ATAD5: variants seen among roughly 807,000 people sequenced by gnomAD.
ATAD5 encodes ATPase family AAA domain containing 5, also known as ATPase family AAA domain-containing protein 5.
A neutral mutation model predicts 176.9 loss-of-function variants in ATAD5; 58 were observed. The observed-to-expected ratio is 0.33, with a 90% CI of 0.27 to 0.41. The LOEUF is 0.41. Among genes scored for constraint, ATAD5 ranks in the 10% least tolerant of loss-of-function variants. ATAD5 has a pLI of 1.00. For synonymous variants in ATAD5, 640 were observed against 712.6 expected (o/e 0.90, Z 1.62); for missense variants, 1,789 against 2,094.1 (o/e 0.85, Z 2.84).
chr17:30,877,618 T>C, intron 16 of ATAD5, 69 bp downstream of exon 16: 2 of 1,461,142 alleles, frequency 1.4e-6, no homozygotes. Flanking sequence ...TACTGTATGT[T>C]TTCTTATAAA....
intron 4 of ATAD5, 44 bp from the exon 5 acceptor site, chr17:30,843,869 A>T: frequency 9.0e-7 from 1 of 1,115,286 alleles, no homozygotes; most frequent in Non-Finnish European, 1.2e-6. Context: ...CAATGATATT[A>T]ATTATATGAT....
rs2142301433 is a variant in ATAD5, at chr17:30,835,138, A to G, written c.1057A>G (p.Asn353Asp). The G allele has an allele frequency of 1.2e-6, 2 of 1,614,148 alleles. No homozygotes were observed. Among genetic ancestry groups the G allele is most frequent in the Non-Finnish European group, 1.7e-6 (2 of 1,180,006 alleles). Reference protein sequence around the residue: ...FLKQKQFEMENSLSDPENEQT... With the variant: ...FLKQKQFEMEDSLSDPENEQT... ...GAAACAAAAGCAATTTGAAATGGAA[A>G]ATAGTTTATCTGATCCTGAGAATGA... Residue 353 changes from asparagine (N) to aspartate (D), a missense_variant, in exon 2 of 23, where the codon AAT (asparagine) becomes GAT (aspartate). Transcript: ENST00000321990.
At chr17:30,838,129 T>G (rs532972878) in intron 3 of ATAD5, among the ~76,000 whole-genome samples, 1 of 152,268 alleles carries the variant, frequency 6.6e-6, no homozygotes, top group South Asian at 2.1e-4. Context: ...TTGCTAAATA[T>G]CCCTCGGAGG....
At chr17:30,885,084 A>G (rs905273710) in intron 18 of ATAD5, among the ~76,000 whole-genome samples, 1 of 151,858 alleles carries the variant, frequency 6.6e-6, no homozygotes, top group Non-Finnish European at 1.5e-5. Context: ...GTACTGCTGT[A>G]GATTCTAGAT....
intron 21 of ATAD5, among the ~76,000 whole-genome samples, 164 bp downstream of exon 21, chr17:30,894,314 G>C (rs767743788): frequency 6.6e-6 from 1 of 152,088 alleles, no homozygotes; most frequent in Non-Finnish European, 1.5e-5. Flanking sequence ...CAGCTTGATC[G>C]CTGGGAAGAG....
intron 4 of ATAD5, among the ~76,000 whole-genome samples, chr17:30,841,512 A>G (rs910188333): frequency 6.6e-6 from 1 of 152,134 alleles, no homozygotes; most frequent in African/African-American, 2.4e-5. Flanking sequence ...CATGCATTTC[A>G]CCATTTAAAG....
chr17:30,850,865 ATATATTTTTTTTTTTTTTTTTT>A (rs1567683675), intron 6 of ATAD5, among the ~76,000 whole-genome samples: 3 of 22,152 alleles, frequency 1.4e-4, no homozygotes, highest in African/African-American at 4.8e-4. Flanking sequence ...ATATATATAT[ATATATTTTTTTTTTTTTTTTTT>A]TTTTTTTTTT....
chr17:30,859,899 T>C (rs1322010384), intron 9 of ATAD5, among the ~76,000 whole-genome samples: 1 of 146,114 alleles, frequency 6.8e-6, no homozygotes, highest in Admixed American at 7.1e-5. Context: ...AATTTTTGTA[T>C]TTTTAGTAGA....
At chr17:30,886,376 ATTTAT>A (rs910009277) in intron 18 of ATAD5, among the ~76,000 whole-genome samples, 6 of 75,398 alleles carry the variant, frequency 8.0e-5, no homozygotes, top group Non-Finnish European at 1.1e-4. Flanking sequence ...GAATTATTTT[ATTTAT>A]TTATTTATTT....
Position 30,836,006 on chromosome 17 carries a change from C to T in ATAD5, c.1925C>T (p.Ala642Val), listed in dbSNP as rs778807570. ...NLSEKHSLYTAELITVPFDSE... is the reference protein window; with the variant it reads ...NLSEKHSLYTVELITVPFDSE... ...TCGGAAAAGCACAGCTTATATACAG[C>T]AGAATTAATAACAGTACCCTTTGAT... Residue 642 changes from alanine (A) to valine (V), a missense_variant, in exon 2 of 23, where the codon GCA becomes GTA. Coordinates refer to ENST00000321990, the MANE Select transcript of ATAD5 (RefSeq NM_024857.5). 2 of 1,610,990 alleles carry T rather than the reference C, an allele frequency of 1.2e-6. No individual in the cohort carries two copies. The highest frequency in any genetic ancestry group is 2.7e-5 in the African/African-American group (2 of 74,664).
chr17:30,850,357 A>T (rs1597963820), intron 6 of ATAD5, among the ~76,000 whole-genome samples: 1 of 144,718 alleles, frequency 6.9e-6, no homozygotes, highest in African/African-American at 2.6e-5. Flanking sequence ...CTTCTATGAG[A>T]CTTCTTTTTT....
intron 20 of ATAD5, 36 bp from the exon 21 acceptor site, chr17:30,893,258 T>C (rs1389714969): frequency 1.3e-6 from 2 of 1,531,404 alleles, no homozygotes; most frequent in Non-Finnish European, 1.8e-6. Context: ...AACTATGTAC[T>C]GCTGTAACAT....
At chr17:30,866,594 C>G (rs1033408339) in intron 11 of ATAD5, among the ~76,000 whole-genome samples, 1 of 151,726 alleles carries the variant, frequency 6.6e-6, no homozygotes, top group African/African-American at 2.4e-5. Flanking sequence ...GCGGGCAGAT[C>G]ACTTGAGGCT....
chr17:30,865,940 C>G, intron 11 of ATAD5, 140 bp downstream of exon 11: 1 of 505,404 alleles, frequency 2.0e-6, no homozygotes, highest in Non-Finnish European at 3.4e-6. Context: ...GAAAAGTAGC[C>G]CTCTTTTCTT....
At chr17:30,887,786 G>A (rs1464822397) in intron 19 of ATAD5, among the ~76,000 whole-genome samples, 2 of 151,860 alleles carry the variant, frequency 1.3e-5, no homozygotes, top group African/African-American at 2.4e-5. Flanking sequence ...ACTGCACTCC[G>A]GCCCAGACAA....
chr17:30,842,681 A>G (rs1183240084), intron 4 of ATAD5, among the ~76,000 whole-genome samples: 4 of 152,172 alleles, frequency 2.6e-5, no homozygotes, highest in African/African-American at 9.6e-5. Flanking sequence ...TGACTGTTTT[A>G]TTTGGAGTAC....
At chr17:30,875,125 A>C (rs77866518) in intron 14 of ATAD5, among the ~76,000 whole-genome samples, 4,051 of 152,168 alleles carry the variant, frequency 0.027, 200 homozygotes, top group African/African-American at 0.092. Context: ...TAGGACACAG[A>C]TATGGAACTG....
chr17:30,888,913 G>C (rs894293580), intron 19 of ATAD5, among the ~76,000 whole-genome samples: 2 of 151,832 alleles, frequency 1.3e-5, no homozygotes, highest in African/African-American at 2.4e-5. Context: ...TAAAAATACA[G>C]ACATTAGCCG....
In ATAD5 at chr17:30,893,656, A is replaced by AGAAGAAAGCAAAACCGGAGAC. The variant is rs756395532; in HGVS notation, c.4816_4836dup (p.Thr1606_Lys1612dup). 4.3e-6 allele frequency: 7 copies of AGAAGAAAGCAAAACCGGAGAC among 1,613,590 alleles called. No homozygotes were observed. The highest frequency in any genetic ancestry group is 2.2e-5 in the East Asian group (1 of 44,870). ...CCTCTGTATCATCTTCCTCAAATGC[A>AGAAGAAAGCAAAACCGGAGAC]GAAGAAAGCAAAACCGGAGACGAAG... On this transcript the variant is annotated inframe_insertion, in exon 21 of 23. Coordinates refer to ENST00000321990, the MANE Select transcript of ATAD5 (RefSeq NM_024857.5).
Sources: allele counts gnomAD v4.1 joint callset (sites outside exome capture counted in the v4.1 genomes callset), GRCh38; gene constraint gnomAD v4.1.1; transcripts MANE v1.5; gene names NCBI Gene and HGNC (gene_info 2026-07-23, HGNC 2026-07-21).